The following SVEP1 variants were observed in gnomAD, a reference collection of about 807,000 sequenced individuals.
SVEP1 encodes sushi, von Willebrand factor type A, EGF and pentraxin domain-containing protein 1.
SVEP1 carries 164 observed loss-of-function variants against 367.3 expected under a neutral mutation model. That is an observed-to-expected ratio of 0.45 (90% CI 0.39 to 0.51). The LOEUF is 0.51. SVEP1 is among the 20% of genes least tolerant of loss of function. The pLI is 0.00. For synonymous variants in SVEP1, 1,666 were observed against 1,611.6 expected (o/e 1.03, Z -0.81); for missense variants, 4,117 against 4,425.3 (o/e 0.93, Z 1.98).
At chr9:110,555,085 A>C (rs574963792) in intron 1 of SVEP1, among the ~76,000 whole-genome samples, 4 of 152,290 alleles carry the variant, frequency 2.6e-5, no homozygotes, top group Non-Finnish European at 4.4e-5. Context: ...CTCTGAAGTC[A>C]CAGTCTCACC....
chr9:110,559,879 T>C (rs1379772088), intron 1 of SVEP1, among the ~76,000 whole-genome samples: 1 of 152,156 alleles, frequency 6.6e-6, no homozygotes, highest in Non-Finnish European at 1.5e-5. Context: ...TACAATGATA[T>C]TATTGAACAC....
Position 110,379,471 on chromosome 9 carries a change from T to G in SVEP1, c.10284A>C (p.Arg3428=). The G allele has an allele frequency of 6.2e-7, 1 of 1,613,800 alleles. No homozygotes were observed. ...PPAHVENAIA[R]GVHYQYGDMI... is the part of the protein sequence containing the mutation. The stretch of plus-strand genomic sequence containing the variant: ...TGTCTCCATATTGATAATGTACGCC[T>G]CGAGCAATTGCATTTTCTACGTGAG... The change falls in exon 44 of 48, where the codon CGA becomes CGC. Residue 3428 remains arginine, a synonymous_variant. Coordinates refer to ENST00000374469, the MANE Select transcript of SVEP1 (RefSeq NM_153366.4).
chr9:110,513,164 C>G, intron 4 of SVEP1, 59 bp from the exon 5 acceptor site: 1 of 1,146,482 alleles, frequency 8.7e-7, no homozygotes, highest in Non-Finnish European at 1.2e-6. Context: ...ATGACATATC[C>G]TTTTTTTTTT....
At chr9:110,384,001 C>T (rs1827483051) in intron 43 of SVEP1, among the ~76,000 whole-genome samples, 1 of 152,008 alleles carries the variant, frequency 6.6e-6, no homozygotes, top group Non-Finnish European at 1.5e-5. Flanking sequence ...GTGATGGTGG[C>T]CGCCTCTTCC....
intron 6 of SVEP1, 94 bp from the exon 7 acceptor site, chr9:110,499,332 C>T (rs1414536669): frequency 8.6e-6 from 10 of 1,167,866 alleles, no homozygotes; most frequent in African/African-American, 4.6e-5. Flanking sequence ...AATTATGCTG[C>T]CTTAGGATTT....
rs561401696 is a variant in SVEP1 at position 110,572,380 on chromosome 9, A to C, written c.531+6633T>G. Among the ~76,000 whole-genome samples, 21 of 152,340 alleles carry C rather than the reference A, an allele frequency of 1.4e-4. 1 individual carries two copies. In the South Asian group the frequency reaches 4.4e-3, roughly 32 times the overall value. ...AGCATTTTCATGATGTATTTCAACCAAACAGAATATAACACTGGCAGCCAA... is the reference window on the plus strand; with the variant it reads ...AGCATTTTCATGATGTATTTCAACCCAACAGAATATAACACTGGCAGCCAA... On this transcript the variant is annotated intron_variant, in intron 1 of 47. Transcript: ENST00000374469.
chr9:110,551,517 A>G (rs1287566300), intron 1 of SVEP1, among the ~76,000 whole-genome samples: 1 of 152,214 alleles, frequency 6.6e-6, no homozygotes, highest in Non-Finnish European at 1.5e-5. Context: ...TCTTTCTCAA[A>G]AATCAAATGA....
At chr9:110,383,273 TTGTTGTTGC>T (rs1015551975) in intron 43 of SVEP1, among the ~76,000 whole-genome samples, 3 of 150,516 alleles carry the variant, frequency 2.0e-5, no homozygotes, top group African/African-American at 7.5e-5. Flanking sequence ...ATGGCTGTTG[TTGTTGTTGC>T]TGCTTTCTCT....
At chr9:110,573,956 G>T (rs1359583159) in intron 1 of SVEP1, among the ~76,000 whole-genome samples, 1 of 152,162 alleles carries the variant, frequency 6.6e-6, no homozygotes, top group East Asian at 1.9e-4. Context: ...GCTAGGGGGT[G>T]GTTCTGAAGA....
chr9:110,380,167 G>T (rs1022575341), intron 43 of SVEP1, among the ~76,000 whole-genome samples: 16 of 152,108 alleles, frequency 1.1e-4, no homozygotes, highest in Admixed American at 1.0e-3. Context: ...TTTTAAAAGG[G>T]ACATATGCGT....
At chr9:110,484,113 A>G (rs1829240946) in intron 9 of SVEP1, among the ~76,000 whole-genome samples, 1 of 152,186 alleles carries the variant, frequency 6.6e-6, no homozygotes, top group African/African-American at 2.4e-5. Context: ...AAGAGTCAAG[A>G]CAAGGGCTAA....
intron 27 of SVEP1, among the ~76,000 whole-genome samples, chr9:110,437,226 C>G (rs1375251100): frequency 6.6e-6 from 1 of 152,144 alleles, no homozygotes; most frequent in Non-Finnish European, 1.5e-5. Flanking sequence ...ACTCCTGTAT[C>G]CCTTCCTGCC....
At chr9:110,497,170 C>T (rs1829463525) in intron 7 of SVEP1, among the ~76,000 whole-genome samples, 1 of 152,176 alleles carries the variant, frequency 6.6e-6, no homozygotes, top group South Asian at 2.1e-4. Context: ...TCCTTTTCTC[C>T]TACAGGAATT....
At chr9:110,385,069 CTTCCAGG>C (rs948691247) in intron 43 of SVEP1, among the ~76,000 whole-genome samples, 2 of 152,170 alleles carry the variant, frequency 1.3e-5, no homozygotes, top group African/African-American at 4.8e-5. Context: ...CAACCTCCAC[CTTCCAGG>C]TTCAAGAGAT....
In SVEP1 at chr9:110,379,520, A is replaced by C. The variant is rs112156559; in HGVS notation, c.10238-3T>G. ...AGCTGGTGGACCACATGAGATTTCTACAGGATAACAAAACAACAATTAAGC... is the reference window on the plus strand; with the variant it reads ...AGCTGGTGGACCACATGAGATTTCTCCAGGATAACAAAACAACAATTAAGC... On this transcript the variant is annotated splice_polypyrimidine_tract_variant and splice_region_variant and intron_variant, in intron 43 of 47. Transcript: ENST00000374469. 1 of 1,613,532 alleles carries C rather than the reference A, an allele frequency of 6.2e-7. No homozygotes were observed. Among genetic ancestry groups the C allele is most frequent in the Non-Finnish European group, 8.5e-7 (1 of 1,179,674 alleles).
At chr9:110,496,389 G>A (rs905308176) in intron 8 of SVEP1, among the ~76,000 whole-genome samples, 2 of 152,214 alleles carry the variant, frequency 1.3e-5, no homozygotes, top group Non-Finnish European at 2.9e-5. Flanking sequence ...CAGACCTGCT[G>A]AGTCTTCCAG....
At chr9:110,574,313 T>G (rs775311051) in intron 1 of SVEP1, among the ~76,000 whole-genome samples, 1 of 152,228 alleles carries the variant, frequency 6.6e-6, no homozygotes. Context: ...GCATTCAGTT[T>G]CAAACAGAAA....
At chr9:110,578,767 G>A (rs1451148945) in intron 1 of SVEP1, among the ~76,000 whole-genome samples, 1 of 152,118 alleles carries the variant, frequency 6.6e-6, no homozygotes, top group Non-Finnish European at 1.5e-5. Flanking sequence ...TTCCTAACAG[G>A]GTCCTCGAAG....
chr9:110,367,059 A>G (rs1399606317), intron 47 of SVEP1, among the ~76,000 whole-genome samples: 12 of 152,272 alleles, frequency 7.9e-5, no homozygotes. Context: ...AATGGATGCC[A>G]CAAGGCATTT....
Sources: allele counts gnomAD v4.1 joint callset (sites outside exome capture counted in the v4.1 genomes callset), GRCh38; gene constraint gnomAD v4.1.1; transcripts MANE v1.5; gene names NCBI Gene and HGNC (gene_info 2026-07-23, HGNC 2026-07-21).